The following FLNB variants were observed in gnomAD, a reference collection of about 807,000 sequenced individuals.
FLNB encodes the protein filamin-B.
Under a neutral mutation model 250.6 loss-of-function variants are expected in FLNB, and 111 were observed. The ratio of observed to expected loss-of-function variants is 0.44; its 90% CI spans 0.38 to 0.52. The LOEUF is 0.52. Among genes scored for constraint, FLNB ranks in the 20% least tolerant of loss-of-function variants. FLNB has a pLI of 0.00. For synonymous variants in FLNB, 1,302 were observed against 1,372.1 expected (o/e 0.95, Z 1.13); for missense variants, 2,869 against 3,447.8 (o/e 0.83, Z 4.20).
rs777821576 is a variant in FLNB at position 58,168,639 on chromosome 3, C to A, written c.7398C>A (p.Pro2466=). ...YGGPNHIVGS[P]FKAKVTGQRL... is the part of the protein sequence containing the mutation. ...GGCCCAACCACATCGTGGGCAGTCC[C>A]TTCAAGGCCAAGGTGACAGGTAACG... Residue 2466 remains proline, a synonymous_variant, in exon 44 of 46, where the codon CCC becomes CCA. Coordinates refer to ENST00000295956, the MANE Select transcript of FLNB (RefSeq NM_001457.4). 6.2e-7 allele frequency: 1 copy of A among 1,613,778 alleles called. No homozygotes were observed. Among genetic ancestry groups the A allele is most frequent in the Non-Finnish European group, 8.5e-7 (1 of 1,179,822 alleles).
intron 1 of FLNB, among the ~76,000 whole-genome samples, chr3:58,015,810 C>T (rs957309175): frequency 6.6e-6 from 1 of 152,102 alleles, no homozygotes; most frequent in African/African-American, 2.4e-5. Context: ...AGGAGGAGCA[C>T]CTGCCCCTAG....
chr3:58,074,327 C>G (rs1576672940), intron 1 of FLNB, among the ~76,000 whole-genome samples: 1 of 152,200 alleles, frequency 6.6e-6, no homozygotes. Flanking sequence ...TTGAGAACCA[C>G]TGGTCTAGAG....
chr3:58,097,749 C>T (rs1427654011), intron 6 of FLNB, 66 bp from the exon 7 acceptor site: 7 of 1,464,274 alleles, frequency 4.8e-6, no homozygotes, highest in Non-Finnish European at 6.6e-6. Context: ...ATGTATGTGG[C>T]TTGATGTCAG....
At chr3:58,025,919 G>A (rs527508591) in intron 1 of FLNB, among the ~76,000 whole-genome samples, 2 of 152,186 alleles carry the variant, frequency 1.3e-5, no homozygotes, top group Admixed American at 6.5e-5. Flanking sequence ...GAGCGAGATT[G>A]TCTCAAACAA....
intron 8 of FLNB, 131 bp downstream of exon 8, chr3:58,099,039 T>TACTGCTGAAGTAGCC: frequency 1.3e-6 from 1 of 780,914 alleles, no homozygotes; most frequent in Non-Finnish European, 2.3e-6. Context: ...CAGGGCTACT[T>TACTGCTGAAGTAGCC]CAGCAGTAAG....
intron 29 of FLNB, 41 bp downstream of exon 29, chr3:58,138,570 G>T: frequency 6.2e-7 from 1 of 1,612,330 alleles, no homozygotes. Flanking sequence ...GTTATTGGTG[G>T]AAACTGTAAC....
intron 43 of FLNB, among the ~76,000 whole-genome samples, chr3:58,166,581 G>A (rs2097370934): frequency 6.6e-6 from 1 of 152,142 alleles, no homozygotes; most frequent in Non-Finnish European, 1.5e-5. Context: ...AGCACTTTGG[G>A]AGGTGGAGGT....
rs150304657 is a variant in FLNB, at chr3:58,054,868, C to A, written c.293-22178C>A. ...CTATTTTTATAAAGTTTTATTGGAA[C>A]ATAGGCCACACTCATTTATTTATGT... On this transcript the variant is annotated intron_variant, in intron 1 of 45. Transcript: ENST00000295956. Among the ~76,000 whole-genome samples the A allele has an allele frequency of 5.3e-5, 8 of 152,282 alleles. No individual in the cohort carries two copies. In the East Asian group the frequency reaches 1.5e-3, roughly 29 times the overall value.
intron 1 of FLNB, among the ~76,000 whole-genome samples, chr3:58,051,884 C>T (rs1228652359): frequency 2.6e-5 from 4 of 151,898 alleles, no homozygotes; most frequent in African/African-American, 9.7e-5. Context: ...GGGAGAGACT[C>T]GCTTTATTTT....
chr3:58,123,101 C>G lies in FLNB; in HGVS notation c.3135C>G (p.Ala1045=). The change falls in exon 21 of 46, where the codon GCC becomes GCG. Residue 1045 remains alanine, a synonymous_variant. Transcript: ENST00000295956. ...ATTCTTTGCTCAAATAGGTGAAGGC[C>G]CACGGTCCCGGCCTCGAAGGTGGTC... ...SLPPDPSKVK[A]HGPGLEGGLV... is the part of the protein sequence containing the mutation. 1.2e-6 allele frequency: 2 copies of G among 1,614,128 alleles called. No individual in the cohort carries two copies. The highest frequency in any genetic ancestry group is 1.3e-5 in the African/African-American group (1 of 75,028).
At chr3:58,131,932 G>A (rs928226723) in intron 25 of FLNB, 15 of 1,536,560 alleles carry the variant, frequency 9.8e-6, no homozygotes, top group East Asian at 2.4e-5. Flanking sequence ...TTTAGCTGAC[G>A]ACACGGATTC....
At chr3:58,098,597 T>C (rs929743066) in intron 7 of FLNB, 114 bp from the exon 8 acceptor site, 2 of 969,330 alleles carry the variant, frequency 2.1e-6, no homozygotes, top group Non-Finnish European at 3.3e-6. Flanking sequence ...CCTCTCGAAG[T>C]GCTGGGATTA....
Position 58,147,002 on chromosome 3 carries a change from G to A in FLNB, c.5728+9G>A. ...CACAGCCAAGATCACAGGTAGGGTT[G>A]TCTGGCTTCTGGGGTCTTCCTCGTG... On this transcript the variant is annotated intron_variant, in intron 34 of 45. Coordinates refer to ENST00000295956, the MANE Select transcript of FLNB (RefSeq NM_001457.4). 6.2e-7 allele frequency: 1 copy of A among 1,613,608 alleles called. No individual in the cohort carries two copies. The highest frequency in any genetic ancestry group is 8.5e-7 in the Non-Finnish European group (1 of 1,179,990).
chr3:58,137,416 C>T (rs2097318125), intron 28 of FLNB, among the ~76,000 whole-genome samples: 1 of 152,238 alleles, frequency 6.6e-6, no homozygotes, highest in African/African-American at 2.4e-5. Context: ...CCTATTTCCT[C>T]CCCCAGCTTG....
rs764333955 is a variant in FLNB, at chr3:58,148,735, A to G, written c.5974A>G (p.Ile1992Val). ...GNHVANSPVS[I>V]MVVQSEIGDA... ...CCATGTGGCCAACAGCCCCGTGTCT[A>G]TCATGGTGGTCCAGTCGGAGATTGG... is the stretch of plus-strand genomic sequence containing the variant. The change falls in exon 36 of 46, where the codon ATC (isoleucine) becomes GTC (valine). Residue 1992 changes from isoleucine (I) to valine (V), a missense_variant. By Grantham distance (29) the Ile-to-Val change is conservative. Transcript: ENST00000295956. 2 of 1,614,056 alleles carry G rather than the reference A, an allele frequency of 1.2e-6. No homozygotes were observed. The highest frequency in any genetic ancestry group is 1.7e-6 in the Non-Finnish European group (2 of 1,180,006).
chr3:58,053,984 C>T (rs1249906690), intron 1 of FLNB, among the ~76,000 whole-genome samples: 1 of 152,100 alleles, frequency 6.6e-6, no homozygotes, highest in East Asian at 1.9e-4. Flanking sequence ...CCTAGAAGGC[C>T]CGTGGCAGGG....
chr3:58,112,541 A>G (rs1006887059), intron 18 of FLNB, among the ~76,000 whole-genome samples: 4 of 152,256 alleles, frequency 2.6e-5, no homozygotes, highest in Non-Finnish European at 5.9e-5. Flanking sequence ...GCAAGCAGGA[A>G]GCTGGTCCCA....
Position 58,169,168 on chromosome 3 carries a change from A to G in FLNB, c.7418-422A>G. 1 of 271,522 alleles carries G rather than the reference A, an allele frequency of 3.7e-6. No individual in the cohort carries two copies. Among genetic ancestry groups the G allele is most frequent in the African/African-American group, 2.2e-5 (1 of 45,380 alleles). The allele number at this position is 271,522 out of a possible 1,614,324, so 16.8% of individuals were successfully genotyped here. A position where few individuals can be genotyped will look rare whatever the true frequency, so the allele number is the denominator to read the frequency against. The stretch of plus-strand genomic sequence containing the variant: ...AATGTAGGTTCATCGCAGGAAAATT[A>G]GAAAATTCAGATAGAAAAATCATCC... On this transcript the variant is annotated intron_variant, in intron 44 of 45. Transcript: ENST00000295956. The surrounding 1 kb of genome is among the most constrained non-coding windows in gnomAD (Gnocchi z 4.8).
rs142568031 is a variant in FLNB, at chr3:58,008,671, G to A, written c.107G>A (p.Arg36His). The A allele has an allele frequency of 4.2e-4, 675 of 1,614,156 alleles. 4 individuals are homozygous for A. The African/African-American group carries it at 8.2e-3, about 20-fold the overall frequency. ...CNEHLKCVNK[R>H]IGNLQTDLSD... Reference sequence around the variant, plus strand: ...GAGCACCTCAAGTGCGTGAACAAACGCATCGGCAACCTGCAGACCGACCTG... The same window carrying A: ...GAGCACCTCAAGTGCGTGAACAAACACATCGGCAACCTGCAGACCGACCTG... The change falls in exon 1 of 46, where the codon CGC becomes CAC. Residue 36 changes from arginine to histidine, a missense_variant. Coordinates refer to ENST00000295956, the MANE Select transcript of FLNB (RefSeq NM_001457.4).
Sources: allele counts gnomAD v4.1 joint callset (sites outside exome capture counted in the v4.1 genomes callset), GRCh38; gene constraint gnomAD v4.1.1; non-coding constraint Gnocchi (gnomAD v3.1); transcripts MANE v1.5; gene names NCBI Gene and HGNC (gene_info 2026-07-23, HGNC 2026-07-21).